The following FHOD3 variants were observed in gnomAD, a reference collection of about 807,000 sequenced individuals.
The protein encoded by FHOD3 is FH1/FH2 domain-containing protein 3.
FHOD3 carries 90 observed loss-of-function variants against 173.0 expected under a neutral mutation model. The observed-to-expected ratio is 0.52, with a 90% CI of 0.44 to 0.62. The LOEUF is 0.62. FHOD3 is among the 20% of genes least tolerant of loss of function. FHOD3 has a pLI of 0.00. For synonymous variants in FHOD3, 828 were observed against 823.0 expected (o/e 1.01, Z -0.10); for missense variants, 1,945 against 2,034.7 (o/e 0.96, Z 0.85).
At chr18:36,473,203 C>G (rs999181874) in intron 3 of FHOD3, among the ~76,000 whole-genome samples, 1 of 152,212 alleles carries the variant, frequency 6.6e-6, no homozygotes, top group African/African-American at 2.4e-5. Flanking sequence ...CACCTGAGGT[C>G]AGGAGTTCGA....
At chr18:36,645,690 A>G (rs1440594602) in intron 10 of FHOD3, among the ~76,000 whole-genome samples, 1 of 152,186 alleles carries the variant, frequency 6.6e-6, no homozygotes, top group Non-Finnish European at 1.5e-5. Flanking sequence ...AAAATTCTTA[A>G]TAAATTAAGA....
At chr18:36,394,283 C>T (rs536427951) in intron 3 of FHOD3, among the ~76,000 whole-genome samples, 7 of 152,182 alleles carry the variant, frequency 4.6e-5, no homozygotes, top group South Asian at 4.2e-4. Context: ...TTAAGGTCAT[C>T]GTGTAGACAG....
chr18:36,436,907 G>T (rs1420565323), intron 3 of FHOD3, among the ~76,000 whole-genome samples: 1 of 152,166 alleles, frequency 6.6e-6, no homozygotes, highest in Non-Finnish European at 1.5e-5. Flanking sequence ...ACATACCTCT[G>T]TGAGACTCCT....
At chr18:36,387,494 T>C (rs1598926886) in intron 3 of FHOD3, among the ~76,000 whole-genome samples, 1 of 152,322 alleles carries the variant, frequency 6.6e-6, no homozygotes, top group Non-Finnish European at 1.5e-5. Context: ...TTCCCAGATT[T>C]CCTCCTGACT....
intron 1 of FHOD3, among the ~76,000 whole-genome samples, chr18:36,310,744 G>A (rs564493489): frequency 3.3e-5 from 5 of 151,898 alleles, no homozygotes; most frequent in Non-Finnish European, 5.9e-5. Context: ...AAAAATCCAC[G>A]TGGACTGCAT....
intron 5 of FHOD3, among the ~76,000 whole-genome samples, chr18:36,543,735 C>T (rs75074228): frequency 0.019 from 2,968 of 152,320 alleles, 104 homozygotes; most frequent in African/African-American, 0.068. Context: ...GGACAAAGTA[C>T]TGTTTTCCCT....
chr18:36,604,246 G>A (rs941172056), intron 8 of FHOD3, among the ~76,000 whole-genome samples: 4 of 152,172 alleles, frequency 2.6e-5, no homozygotes, highest in African/African-American at 9.7e-5. Flanking sequence ...GAGCCTGCAG[G>A]ACCATCTGCA....
chr18:36,489,228 G>C (rs2054341119), intron 3 of FHOD3, among the ~76,000 whole-genome samples: 1 of 117,450 alleles, frequency 8.5e-6, no homozygotes, highest in Non-Finnish European at 1.8e-5. Flanking sequence ...CCAGAAGAGT[G>C]AGAGAGAATG....
Position 36,755,268 on chromosome 18 carries a change from A to G in FHOD3, c.4382A>G (p.Asn1461Ser). Residue 1461 changes from asparagine to serine, a missense_variant, in exon 25 of 29, where the codon AAC becomes AGC. Asn to Ser is a conservative substitution (Grantham distance 46). This residue lies in a region of FHOD3 where 354 missense variants were observed against 359.9 expected (regional missense o/e 0.98). Transcript: ENST00000590592. ...TTGCAGCAGAAACAGAAACGGGCCA[A>G]CCACAGAGAGAGAAATAAGACCAGA... The part of the protein sequence containing the change: ...RVLQQKQKRA[N>S]HRERNKTRGK... 3 of 1,611,374 alleles carry G rather than the reference A, an allele frequency of 1.9e-6. No homozygotes were observed. The highest frequency in any genetic ancestry group is 2.5e-6 in the Non-Finnish European group (3 of 1,178,562).
At chr18:36,499,797 C>T (rs1178269535) in intron 3 of FHOD3, among the ~76,000 whole-genome samples, 2 of 152,166 alleles carry the variant, frequency 1.3e-5, no homozygotes, top group Non-Finnish European at 2.9e-5. Flanking sequence ...TGGTTGATTC[C>T]TCTGGAGCTT....
intron 3 of FHOD3, among the ~76,000 whole-genome samples, chr18:36,393,330 A>G (rs1036864220): frequency 6.6e-6 from 1 of 151,982 alleles, no homozygotes; most frequent in Non-Finnish European, 1.5e-5. Context: ...GTTCTCTCCA[A>G]GGTTTCTCCA....
intron 5 of FHOD3, among the ~76,000 whole-genome samples, chr18:36,567,141 G>A (rs1384353258): frequency 6.6e-6 from 1 of 152,202 alleles, no homozygotes; most frequent in Non-Finnish European, 1.5e-5. Flanking sequence ...AGTGCTGAGG[G>A]GGAAGGGAAG....
chr18:36,351,148 A>T (rs1306286066), intron 1 of FHOD3, among the ~76,000 whole-genome samples: 1 of 152,158 alleles, frequency 6.6e-6, no homozygotes, highest in Admixed American at 6.6e-5. Context: ...CTTTGCACAC[A>T]CATGTCCTGT....
chr18:36,391,023 C>T (rs754169545), intron 3 of FHOD3, among the ~76,000 whole-genome samples: 9 of 152,292 alleles, frequency 5.9e-5, no homozygotes, highest in South Asian at 2.1e-4. Context: ...TCGTTGTCTC[C>T]GATGGGTAAT....
At chr18:36,588,501 AC>A (rs2059113655) in intron 6 of FHOD3, among the ~76,000 whole-genome samples, 1 of 152,246 alleles carries the variant, frequency 6.6e-6, no homozygotes, top group Non-Finnish European at 1.5e-5. Context: ...GGAAAATGAA[AC>A]AAATAAAATG....
chr18:36,367,396 C>T (rs2046951146), intron 2 of FHOD3, among the ~76,000 whole-genome samples: 1 of 152,132 alleles, frequency 6.6e-6, no homozygotes, highest in Non-Finnish European at 1.5e-5. Flanking sequence ...GTGTCCCTGG[C>T]AGTGGCTGTG....
intron 13 of FHOD3, among the ~76,000 whole-genome samples, chr18:36,656,599 C>A (rs796207904): frequency 1.3e-5 from 2 of 152,148 alleles, no homozygotes; most frequent in African/African-American, 2.4e-5. Context: ...ACTGAAATTT[C>A]ATCTCTCTAT....
intron 15 of FHOD3, among the ~76,000 whole-genome samples, chr18:36,682,739 G>A (rs1218229575): frequency 1.3e-5 from 2 of 152,000 alleles, no homozygotes; most frequent in Non-Finnish European, 1.5e-5. Context: ...ACACCACCAC[G>A]CCTGGCTAAT....
rs1324182010 is a variant in FHOD3, at chr18:36,652,744, C to T, written c.1461C>T (p.Ala487=). The change falls in exon 12 of 29, where the codon GCC becomes GCT. Residue 487 remains alanine, a synonymous_variant. Coordinates refer to ENST00000590592, the MANE Select transcript of FHOD3 (RefSeq NM_001281740.3). ...GSSGSEATPS[A]LLSPPASAAR... is the part of the protein sequence containing the mutation. ...CTGGGTCTGAGGCCACCCCATCTGC[C>T]CTCCTGTCACCCCCTGCCTCAGCTG... The T allele has an allele frequency of 2.0e-6, 3 of 1,535,914 alleles. No homozygotes were observed. Among genetic ancestry groups the T allele is most frequent in the Non-Finnish European group, 2.6e-6 (3 of 1,146,718 alleles).
Sources: allele counts gnomAD v4.1 joint callset (sites outside exome capture counted in the v4.1 genomes callset), GRCh38; gene constraint gnomAD v4.1.1; regional missense constraint gnomAD v4.1.1; transcripts MANE v1.5; gene names NCBI Gene and HGNC (gene_info 2026-07-23, HGNC 2026-07-21).